Variants in PSD3 observed in about 807,000 individuals in gnomAD.
PSD3 encodes pleckstrin and Sec7 domain containing 3, also known as PH and SEC7 domain-containing protein 3.
In PSD3, 49 loss-of-function variants were observed where a neutral mutation model predicts 105.5. That is an observed-to-expected ratio of 0.46 (90% CI 0.37 to 0.59). The LOEUF (loss-of-function observed/expected upper bound fraction) is 0.59, where lower values mean the gene tolerates loss of function less well. Ranked by LOEUF, PSD3 falls within the 20% of genes least tolerant of loss-of-function variation. The pLI is 0.00. For synonymous variants in PSD3, 557 were observed against 457.8 expected, an observed-to-expected ratio of 1.22 and a Z score of -2.77; for missense variants, 1,561 against 1,263.8, an observed-to-expected ratio of 1.24 and a Z score of -3.57.
Position 18,808,785 on chromosome 8 carries a change from A to G in PSD3, c.1635-3887T>C, listed in dbSNP as rs1811424790. 2.5e-6 allele frequency: 4 copies of G among 1,614,006 alleles called. No homozygotes were observed. In the African/African-American group the frequency reaches 4.0e-5, roughly 16 times the overall value. ...ACCATACAGACACCAAGAAGAGCCCATCGCAACCCCTGGGGTGCGCCTGGA... is the reference window on the plus strand; with the variant it reads ...ACCATACAGACACCAAGAAGAGCCCGTCGCAACCCCTGGGGTGCGCCTGGA... On this transcript the variant is annotated intron_variant, in intron 4 of 15. Coordinates refer to ENST00000327040, the MANE Select transcript of PSD3 (RefSeq NM_015310.4).
chr8:18,687,593 T>C (rs960543917), intron 9 of PSD3, among the ~76,000 whole-genome samples: 6 of 152,152 alleles, frequency 3.9e-5, no homozygotes, highest in African/African-American at 1.4e-4. Flanking sequence ...ACCATTTTCC[T>C]GTTCAGTCCC....
At chr8:18,790,343 C>T (rs1387600920) in intron 8 of PSD3, among the ~76,000 whole-genome samples, 1 of 147,070 alleles carries the variant, frequency 6.8e-6, no homozygotes, top group Admixed American at 6.8e-5. Context: ...TTGCTCGCTG[C>T]CCAAGCTGGA....
chr8:18,723,491 C>T (rs1803138675), intron 9 of PSD3, among the ~76,000 whole-genome samples: 1 of 152,122 alleles, frequency 6.6e-6, no homozygotes, highest in Non-Finnish European at 1.5e-5. Flanking sequence ...CGTTTCTCTA[C>T]TGAAGATCAA....
intron 9 of PSD3, among the ~76,000 whole-genome samples, chr8:18,675,959 G>A (rs1478935592): frequency 1.3e-5 from 2 of 152,080 alleles, no homozygotes; most frequent in Non-Finnish European, 2.9e-5. Context: ...CTAACAACAG[G>A]TTGCAGAATA....
At chr8:18,774,914 G>C (rs1194466378) in intron 8 of PSD3, 2 of 456,096 alleles carry the variant, frequency 4.4e-6, no homozygotes, top group Admixed American at 4.7e-5. Context: ...CTTAATCTTG[G>C]CTACGGCTGC....
In PSD3 at chr8:18,768,416, G is replaced by A. The variant is rs752287976; in HGVS notation, c.2083-2878C>T. Among the ~76,000 whole-genome samples the A allele has an allele frequency of 1.2e-4, 19 of 152,182 alleles. No individual in the cohort carries two copies. The Middle Eastern group carries it at 0.01, about 82-fold the overall frequency. On this transcript the variant is annotated intron_variant, in intron 8 of 15. Coordinates refer to ENST00000327040, the MANE Select transcript of PSD3 (RefSeq NM_015310.4). The stretch of plus-strand genomic sequence containing the variant: ...AGCCTGGGAGATCAAGACTAGCCTG[G>A]GTAACATCCCTCTCTAGAAACAATA...
chr8:18,743,959 TCAC>T (rs111311023), intron 9 of PSD3, among the ~76,000 whole-genome samples: 4,436 of 138,802 alleles, frequency 0.032, 123 homozygotes, highest in African/African-American at 0.067. Flanking sequence ...ACTCTGTCTC[TCAC>T]CACCACCACC....
intron 14 of PSD3, among the ~76,000 whole-genome samples, chr8:18,564,419 A>C (rs1350811055): frequency 6.6e-6 from 1 of 152,138 alleles, no homozygotes; most frequent in East Asian, 1.9e-4. Flanking sequence ...ACCTGAGGTC[A>C]GGAGGTCAAG....
chr8:18,687,742 A>T (rs1800741209), intron 9 of PSD3, among the ~76,000 whole-genome samples: 1 of 151,966 alleles, frequency 6.6e-6, no homozygotes, highest in Non-Finnish European at 1.5e-5. Flanking sequence ...CTTCTCATGG[A>T]CTATAAATGG....
intron 12 of PSD3, among the ~76,000 whole-genome samples, chr8:18,586,185 G>C (rs1302471308): frequency 6.6e-6 from 1 of 152,148 alleles, no homozygotes; most frequent in East Asian, 1.9e-4. Flanking sequence ...TCCTGTAGGA[G>C]TGGCCAAAAA....
intron 1 of PSD3, among the ~76,000 whole-genome samples, chr8:19,004,537 T>C (rs1017313711): frequency 6.6e-6 from 1 of 152,074 alleles, no homozygotes; most frequent in African/African-American, 2.4e-5. Flanking sequence ...AGCATATATC[T>C]GATAGGAGAC....
intron 11 of PSD3, among the ~76,000 whole-genome samples, chr8:18,624,496 T>C (rs1345533621): frequency 8.0e-6 from 1 of 125,270 alleles, no homozygotes; most frequent in Non-Finnish European, 1.6e-5. Flanking sequence ...TGAGAACACA[T>C]GGACACAGGA....
chr8:18,801,222 A>T lies in PSD3; in HGVS notation c.2023+48T>A, dbSNP rs765537281. The T allele has an allele frequency of 1.0e-5, 12 of 1,196,550 alleles. No homozygotes were observed. In the East Asian group the frequency reaches 2.8e-4, roughly 28 times the overall value. 74.1% of individuals were successfully genotyped at this position (1,196,550 alleles called of 1,614,324 possible). A position where few individuals can be genotyped will look rare whatever the true frequency, so the allele number is the denominator to read the frequency against. ...AAAATTTAACTTTCATAATAAGGAA[A>T]ATAACCATTGATATAAAAAAGAAAT... On this transcript the variant is annotated intron_variant, in intron 7 of 15. Coordinates refer to ENST00000327040, the MANE Select transcript of PSD3 (RefSeq NM_015310.4).
At chr8:18,810,714 T>C (rs1811616673) in intron 4 of PSD3, among the ~76,000 whole-genome samples, 1 of 152,128 alleles carries the variant, frequency 6.6e-6, no homozygotes, top group African/African-American at 2.4e-5. Context: ...ATACATAACT[T>C]AGGCAAAGGC....
chr8:19,046,332 G>A (rs368416314), intron 1 of PSD3, among the ~76,000 whole-genome samples: 2 of 152,028 alleles, frequency 1.3e-5, no homozygotes, highest in East Asian at 3.9e-4. Context: ...GGATAGTCTC[G>A]AACTCCTGAC....
rs114838869 is a variant in PSD3 at position 18,871,717 on chromosome 8, G to A, written c.1147C>T (p.Arg383Cys). 1.6e-3 allele frequency: 2,586 copies of A among 1,614,100 alleles called. 50 individuals are homozygous for A. In the African/African-American group the frequency reaches 0.028, roughly 18 times the overall value. Residue 383 changes from arginine (R) to cysteine (C), a missense_variant, in exon 3 of 16, where the codon CGT becomes TGT. Physicochemically the swap from Arg to Cys is radical, Grantham distance 180. Coordinates refer to ENST00000327040, the MANE Select transcript of PSD3 (RefSeq NM_015310.4). ...TCATCCTCTCCACTCTCATCAAGAC[G>A]CACAGGGGAAAATGTCCCCGAGCTA... is the stretch of plus-strand genomic sequence containing the variant. ...GTSSGTFSPV[R>C]LDESGEDEVF...
intron 1 of PSD3, among the ~76,000 whole-genome samples, chr8:19,077,753 A>G (rs574954642): frequency 6.6e-6 from 1 of 152,372 alleles, no homozygotes; most frequent in East Asian, 1.9e-4. Context: ...GATGTGATTT[A>G]TAAATAGATT....
At chr8:18,607,783 G>T (rs1428493987) in intron 11 of PSD3, among the ~76,000 whole-genome samples, 1 of 150,932 alleles carries the variant, frequency 6.6e-6, no homozygotes, top group African/African-American at 2.4e-5. Flanking sequence ...AATTTATAAA[G>T]GGAAGAGGTT....
rs78051321 is a variant in PSD3, at chr8:18,544,425, GTTTTT to G, written c.2929-8472_2929-8468del. On this transcript the variant is annotated intron_variant, in intron 15 of 15. Coordinates refer to ENST00000327040, the MANE Select transcript of PSD3 (RefSeq NM_015310.4). ...ACATTTTTAAAAAGAAAATGTTCAG[GTTTTT>G]TTTTTTTTCTTTTCCCTATGCTACT... Among the ~76,000 whole-genome samples, 12 of 144,918 alleles carry G rather than the reference GTTTTT, an allele frequency of 8.3e-5. 2 individuals are homozygous for G. The South Asian group carries it at 2.7e-3, about 32-fold the overall frequency.
Sources: allele counts gnomAD v4.1 joint callset (sites outside exome capture counted in the v4.1 genomes callset), GRCh38; gene constraint gnomAD v4.1.1; transcripts MANE v1.5; gene names NCBI Gene and HGNC (gene_info 2026-07-23, HGNC 2026-07-21).